The following UBE2E3 variants were observed in gnomAD, a reference collection of about 807,000 sequenced individuals.
The protein encoded by UBE2E3 is ubiquitin conjugating enzyme E2 E3, also known as ubiquitin-conjugating enzyme E2 E3.
UBE2E3 carries 5 observed loss-of-function variants against 23.6 expected under a neutral mutation model. The observed-to-expected ratio is 0.21, with a 90% CI of 0.11 to 0.44. The LOEUF is 0.44. Ranked by LOEUF, UBE2E3 falls within the 20% of genes least tolerant of loss-of-function variation. The pLI, the probability that UBE2E3 is intolerant of heterozygous loss-of-function variation, is 0.99. For synonymous variants in UBE2E3, 78 were observed against 87.5 expected (o/e 0.89, Z 0.60); for missense variants, 81 against 249.8 (o/e 0.32, Z 4.55).
intron 3 of UBE2E3, among the ~76,000 whole-genome samples, chr2:181,001,033 A>T (rs190153053): frequency 6.6e-6 from 1 of 152,342 alleles, no homozygotes; most frequent in Admixed American, 6.5e-5. Context: ...TACTGTGATG[A>T]GATGGAGAAT....
intron 3 of UBE2E3, among the ~76,000 whole-genome samples, chr2:180,990,512 A>G (rs998910364): frequency 1.3e-5 from 2 of 152,136 alleles, no homozygotes; most frequent in African/African-American, 2.4e-5. Context: ...TGCTACTTCT[A>G]TGCGTAGTTT....
At chr2:181,055,670 C>A (rs1559136644) in intron 3 of UBE2E3, among the ~76,000 whole-genome samples, 2 of 151,540 alleles carry the variant, frequency 1.3e-5, no homozygotes. Context: ...TACTATCCTG[C>A]AATAGTTAAA....
intron 3 of UBE2E3, among the ~76,000 whole-genome samples, chr2:181,027,873 T>C (rs1685948319): frequency 6.6e-6 from 1 of 152,036 alleles, no homozygotes; most frequent in African/African-American, 2.4e-5. Context: ...ATCAATCATG[T>C]ACTGCATAAT....
intron 3 of UBE2E3, among the ~76,000 whole-genome samples, chr2:180,984,794 AAGT>A (rs1399609891): frequency 6.6e-6 from 1 of 152,286 alleles, no homozygotes; most frequent in Non-Finnish European, 1.5e-5. Flanking sequence ...GATACATTAA[AAGT>A]AGCTGGTTGA....
chr2:181,041,731 C>T (rs1002597121), intron 3 of UBE2E3, among the ~76,000 whole-genome samples: 12 of 152,132 alleles, frequency 7.9e-5, no homozygotes, highest in Non-Finnish European at 1.6e-4. Flanking sequence ...TGATGTTGCA[C>T]ACTGCTCACA....
chr2:180,982,279 C>T, intron 2 of UBE2E3, 43 bp downstream of exon 2: 3 of 1,570,298 alleles, frequency 1.9e-6, no homozygotes, highest in Non-Finnish European at 2.6e-6. Flanking sequence ...GTCAGGTTGT[C>T]TTCCAGGTGG....
At chr2:181,012,636 T>C (rs1685367369) in intron 3 of UBE2E3, among the ~76,000 whole-genome samples, 2 of 152,228 alleles carry the variant, frequency 1.3e-5, no homozygotes. Flanking sequence ...AATGTCTGAC[T>C]GAGTAAAATG....
chr2:181,056,894 G>T (rs967700510), intron 3 of UBE2E3, among the ~76,000 whole-genome samples: 1 of 151,768 alleles, frequency 6.6e-6, no homozygotes. Flanking sequence ...ACAGGTAGGT[G>T]CTGTGTGCCT....
chr2:180,982,994 TATTG>T (rs199800081), intron 2 of UBE2E3, among the ~76,000 whole-genome samples: 5 of 152,214 alleles, frequency 3.3e-5, no homozygotes, highest in South Asian at 2.1e-4. Flanking sequence ...ATTTGTTTCC[TATTG>T]ATTGATGTTT....
At chr2:180,995,222 T>C (rs1684788415) in intron 3 of UBE2E3, among the ~76,000 whole-genome samples, 1 of 152,084 alleles carries the variant, frequency 6.6e-6, no homozygotes, top group Admixed American at 6.6e-5. Flanking sequence ...GTGGCACTAG[T>C]GATGCTGGAA....
chr2:181,007,625 T>C (rs1016087232), intron 3 of UBE2E3, among the ~76,000 whole-genome samples: 2 of 152,106 alleles, frequency 1.3e-5, no homozygotes, highest in Admixed American at 6.6e-5. Flanking sequence ...AACTTTGGTC[T>C]CCAGAGTTAC....
chr2:181,002,234 A>G (rs1685012788), intron 3 of UBE2E3, among the ~76,000 whole-genome samples: 1 of 152,214 alleles, frequency 6.6e-6, no homozygotes, highest in African/African-American at 2.4e-5. Context: ...TTGGCTGCAT[A>G]AGAGTACTAG....
Position 180,980,834 on chromosome 2 carries a change from C to T in UBE2E3, c.-165C>T, listed in dbSNP as rs934317910. The stretch of plus-strand genomic sequence containing the variant: ...CTTTCAATGTTCCACACTCCCCGGC[C>T]AGAGCCTCCTCGGCTTCTTTTTTTC... On this transcript the variant is annotated 5_prime_UTR_variant, in exon 1 of 6. Coordinates refer to ENST00000410062, the MANE Select transcript of UBE2E3 (RefSeq NM_006357.4). The surrounding 1 kb of genome is among the most constrained non-coding windows in gnomAD (Gnocchi z 5.5). 2.0e-5 allele frequency: 3 copies of T among 149,736 alleles called. No individual in the cohort carries two copies. The highest frequency in any genetic ancestry group is 7.3e-5 in the African/African-American group (3 of 41,188). 9.3% of individuals were successfully genotyped at this position (149,736 alleles called of 1,614,324 possible).
intron 3 of UBE2E3, among the ~76,000 whole-genome samples, chr2:181,033,978 T>C (rs950586823): frequency 6.6e-6 from 1 of 152,118 alleles, no homozygotes; most frequent in Non-Finnish European, 1.5e-5. Flanking sequence ...CACAATGAGA[T>C]ACCATCTCAC....
chr2:180,989,228 A>G, intron 3 of UBE2E3, among the ~76,000 whole-genome samples: 1 of 152,248 alleles, frequency 6.6e-6, no homozygotes, highest in Middle Eastern at 3.4e-3. Flanking sequence ...GTAATAAAGT[A>G]CTTTTTTCAT....
At chr2:180,996,161 A>G (rs145253455) in intron 3 of UBE2E3, among the ~76,000 whole-genome samples, 1,986 of 152,336 alleles carry the variant, frequency 0.013, 19 homozygotes, top group Non-Finnish European at 0.019. Context: ...TTAGAGGGTA[A>G]AAGTCATATG....
Position 181,043,581 on chromosome 2 carries a change from A to G in UBE2E3, c.246-14112A>G, listed in dbSNP as rs1686578526. Among the ~76,000 whole-genome samples the G allele has an allele frequency of 2.0e-5, 3 of 152,182 alleles. No individual in the cohort carries two copies. The South Asian group carries it at 6.2e-4, about 31-fold the overall frequency. The stretch of plus-strand genomic sequence containing the variant: ...AAAAAAGTTAACACTTCTGGTCCTA[A>G]GCATTTTGGATGAGGGATACTTAAC... On this transcript the variant is annotated intron_variant, in intron 3 of 5. Transcript: ENST00000410062.
intron 3 of UBE2E3, among the ~76,000 whole-genome samples, chr2:181,013,681 G>A (rs942024189): frequency 3.3e-5 from 5 of 152,180 alleles, no homozygotes; most frequent in Admixed American, 1.3e-4. Flanking sequence ...GGGAAGAAGA[G>A]AGGGAGCTCA....
intron 3 of UBE2E3, among the ~76,000 whole-genome samples, chr2:181,056,077 T>G (rs953476360): frequency 1.4e-5 from 1 of 73,770 alleles, no homozygotes; most frequent in South Asian, 5.6e-4. Context: ...AGGAAGGAAA[T>G]GCTTAAAAAA....
Sources: allele counts gnomAD v4.1 joint callset (sites outside exome capture counted in the v4.1 genomes callset), GRCh38; gene constraint gnomAD v4.1.1; non-coding constraint Gnocchi (gnomAD v3.1); transcripts MANE v1.5; gene names NCBI Gene and HGNC (gene_info 2026-07-23, HGNC 2026-07-21).